CCNY: variants seen among roughly 807,000 people sequenced by gnomAD.
CCNY encodes cyclin Y, also known as cyclin-Y.
CCNY carries 19 observed loss-of-function variants against 42.8 expected under a neutral mutation model. The observed-to-expected ratio is 0.44, with a 90% CI of 0.31 to 0.65. The LOEUF (loss-of-function observed/expected upper bound fraction) is 0.65, where lower values mean the gene tolerates loss of function less well. Among genes scored for constraint, CCNY ranks in the 30% least tolerant of loss-of-function variants. The probability of loss-of-function intolerance (pLI) is 0.07; values close to 1 mark genes in which losing one functional copy is unlikely to be tolerated. For missense variants in CCNY, 370 were observed against 437.3 expected (o/e 0.85, Z 1.37); for synonymous variants, 165 against 162.7 (o/e 1.01, Z -0.11).
chr10:35,544,184 G>T (rs1841064139), intron 7 of CCNY, among the ~76,000 whole-genome samples: 1 of 152,102 alleles, frequency 6.6e-6, no homozygotes, highest in African/African-American at 2.4e-5. Context: ...AATGCCCTAG[G>T]ATTCACACTC....
At chr10:35,466,795 C>G (rs1355914257) in intron 1 of CCNY, among the ~76,000 whole-genome samples, 1 of 152,182 alleles carries the variant, frequency 6.6e-6, no homozygotes, top group African/African-American at 2.4e-5. Flanking sequence ...TAAATAGAGA[C>G]AGGGTCTCGC....
intron 1 of CCNY, among the ~76,000 whole-genome samples, chr10:35,345,466 C>CAA (rs568926736): frequency 5.1e-4 from 35 of 68,398 alleles, no homozygotes; most frequent in Non-Finnish European, 5.8e-4. Context: ...GACTCCATCT[C>CAA]AAAAAAAAAA....
chr10:35,304,301 TTTTTTTTTTATTTTTTA>T lies in CCNY; in HGVS notation c.-9+53685_-9+53701del, dbSNP rs1414967124. Among the ~76,000 whole-genome samples the T allele has an allele frequency of 5.3e-4, 28 of 53,298 alleles. 5 individuals carry two copies. The highest frequency in any genetic ancestry group is 2.1e-3 in the Admixed American group (11 of 5,138). The allele number at this position is 53,298 out of a possible 152,430, so 35.0% of individuals were successfully genotyped here. A position where few individuals can be genotyped will look rare whatever the true frequency, so the allele number is the denominator to read the frequency against. ...AGGCTTTTTTCTCCTTTTATTTTTTTTTTTTTTTTATTTTTTATTTTTTTTTGAGACGGAGTCTCGCT... is the reference window on the plus strand; with the variant it reads ...AGGCTTTTTTCTCCTTTTATTTTTTTTTTTTTTTTGAGACGGAGTCTCGCT... On this transcript the variant is annotated intron_variant, in intron 3 of 11. Transcript: ENST00000374706.
At chr10:35,283,193 A>G (rs1438892385) in intron 3 of CCNY, among the ~76,000 whole-genome samples, 1 of 152,184 alleles carries the variant, frequency 6.6e-6, no homozygotes. Flanking sequence ...ATGACACTAG[A>G]TGATAAAAAC....
chr10:35,300,667 A>G (rs957455763), intron 3 of CCNY, among the ~76,000 whole-genome samples: 2 of 152,068 alleles, frequency 1.3e-5, no homozygotes, highest in Non-Finnish European at 2.9e-5. Context: ...CTGCTTAACA[A>G]CTGCTTTACT....
intron 1 of CCNY, among the ~76,000 whole-genome samples, chr10:35,383,231 A>G (rs933556061): frequency 1.3e-5 from 2 of 152,240 alleles, no homozygotes; most frequent in African/African-American, 2.4e-5. Flanking sequence ...GCTTAGAATA[A>G]TGACGTTGAA....
chr10:35,280,442 A>AGAAG (rs1416402490), intron 3 of CCNY, among the ~76,000 whole-genome samples: 5 of 149,450 alleles, frequency 3.3e-5, no homozygotes, highest in Admixed American at 2.0e-4. Flanking sequence ...GAGGAAGGAA[A>AGAAG]GAAGGAAGGA....
intron 3 of CCNY, among the ~76,000 whole-genome samples, chr10:35,257,277 T>C (rs1449716207): frequency 2.0e-5 from 3 of 149,986 alleles, no homozygotes; most frequent in Non-Finnish European, 4.4e-5. Flanking sequence ...TTTCTTTTTT[T>C]CCTTTCTTTC....
chr10:35,297,265 T>C (rs1216996362), intron 3 of CCNY, among the ~76,000 whole-genome samples: 1 of 152,094 alleles, frequency 6.6e-6, no homozygotes, highest in African/African-American at 2.4e-5. Context: ...AGCATAATGA[T>C]CTCAATAGAT....
rs1433980576 is a variant in CCNY, at chr10:35,304,557, G to A, written c.-9+53931G>A. Among the ~76,000 whole-genome samples, 2 of 53,012 alleles carry A rather than the reference G, an allele frequency of 3.8e-5. 1 individual carries two copies. Among genetic ancestry groups the A allele is most frequent in the Non-Finnish European group, 6.9e-5 (2 of 29,070 alleles). 34.8% of individuals were successfully genotyped at this position (53,012 alleles called of 152,430 possible). A position where few individuals can be genotyped will look rare whatever the true frequency, so the allele number is the denominator to read the frequency against. ...GATCTCTTGACCTCGTGATCCGCCC[G>A]CCTCGGCCTCCCAAAGTGCTGGGAT... On this transcript the variant is annotated intron_variant, in intron 3 of 11. Coordinates refer to the CCNY transcript ENST00000374706.
chr10:35,484,728 C>G (rs1227883067), intron 2 of CCNY, among the ~76,000 whole-genome samples: 1 of 152,044 alleles, frequency 6.6e-6, no homozygotes, highest in Non-Finnish European at 1.5e-5. Context: ...ACTGATAGTA[C>G]TATAAAAACA....
chr10:35,398,199 G>GCCC (rs1448440795), intron 1 of CCNY, among the ~76,000 whole-genome samples: 2 of 152,308 alleles, frequency 1.3e-5, no homozygotes, highest in East Asian at 3.9e-4. Flanking sequence ...GGAGCCTAGG[G>GCCC]CCCCGACTGT....
At chr10:35,511,562 G>A (rs1840325986) in intron 3 of CCNY, among the ~76,000 whole-genome samples, 1 of 152,210 alleles carries the variant, frequency 6.6e-6, no homozygotes, top group South Asian at 2.1e-4. Context: ...AGAGAGGGAG[G>A]CACGGACTTG....
intron 1 of CCNY, among the ~76,000 whole-genome samples, chr10:35,392,623 A>G (rs1837438204): frequency 2.0e-5 from 3 of 152,012 alleles, no homozygotes; most frequent in Admixed American, 2.0e-4. Flanking sequence ...GAAGTGTGGG[A>G]TGTGTTTAGG....
chr10:35,443,918 G>A (rs1838729718), intron 1 of CCNY, among the ~76,000 whole-genome samples: 2 of 152,190 alleles, frequency 1.3e-5, no homozygotes, highest in Admixed American at 1.3e-4. Flanking sequence ...GACAAGTACA[G>A]AATGTGAGGT....
intron 4 of CCNY, among the ~76,000 whole-genome samples, chr10:35,519,164 G>A (rs1840492086): frequency 6.6e-6 from 1 of 151,776 alleles, no homozygotes; most frequent in Non-Finnish European, 1.5e-5. Flanking sequence ...TATACTGTGA[G>A]TATCTGGATT....
chr10:35,332,899 C>T (rs1374387210), upstream of CCNY, among the ~76,000 whole-genome samples: 2 of 152,194 alleles, frequency 1.3e-5, no homozygotes, highest in Non-Finnish European at 2.9e-5. Context: ...CCACCGCGCC[C>T]GGCCCACCTG....
At chr10:35,280,018 T>G (rs539465506) in intron 3 of CCNY, among the ~76,000 whole-genome samples, 2 of 152,358 alleles carry the variant, frequency 1.3e-5, no homozygotes, top group Admixed American at 1.3e-4. Flanking sequence ...CTCCATCATT[T>G]CATAAAAACT....
At chr10:35,433,759 G>A (rs938948706) in intron 1 of CCNY, among the ~76,000 whole-genome samples, 2 of 152,084 alleles carry the variant, frequency 1.3e-5, no homozygotes, top group African/African-American at 2.4e-5. Context: ...CCACAGGCAC[G>A]TGCCACCATG....
Sources: gnomAD v4.1 joint callset for allele counts (sites outside exome capture counted in the v4.1 genomes callset) on GRCh38, gnomAD v4.1.1 for gene constraint, MANE v1.5 for transcripts, NCBI Gene and HGNC (gene_info 2026-07-23, HGNC 2026-07-21) for gene names.